The following LRP1B variants were observed in gnomAD, a reference collection of about 807,000 sequenced individuals.
LRP1B encodes low-density lipoprotein receptor-related protein 1B.
Under a neutral mutation model 556.6 loss-of-function variants are expected in LRP1B, and 217 were observed. The observed-to-expected ratio is 0.39, with a 90% confidence interval of 0.35 to 0.44. The LOEUF (loss-of-function observed/expected upper bound fraction) is 0.44, where lower values mean the gene tolerates loss of function less well. Ranked by LOEUF, LRP1B falls within the 20% of genes least tolerant of loss-of-function variation. The probability of loss-of-function intolerance (pLI) is 1.00; values close to 1 mark genes in which losing one functional copy is unlikely to be tolerated. For missense variants in LRP1B, 5,053 were observed against 5,620.8 expected (o/e 0.90, Z 3.23); for synonymous variants, 2,047 against 1,865.8 (o/e 1.10, Z -2.50).
At chr2:140,651,525 T>TTAAAAAAAAAAAAAAAAAAAAAA (rs1684685295) in intron 41 of LRP1B, among the ~76,000 whole-genome samples, 3 of 60,000 alleles carry the variant, frequency 5.0e-5, no homozygotes, top group Non-Finnish European at 7.7e-5. Flanking sequence ...CATACAAAAA[T>TTAAAAAAAAAAAAAAAAAAAAAA]TAAAAAAAAA....
chr2:140,249,446 C>T (rs796459663), intron 86 of LRP1B, among the ~76,000 whole-genome samples: 1 of 151,562 alleles, frequency 6.6e-6, no homozygotes, highest in Non-Finnish European at 1.5e-5. Context: ...AAAGAAGTCA[C>T]CTGCTAGTGG....
chr2:140,582,031 T>G (rs980959831), intron 43 of LRP1B, among the ~76,000 whole-genome samples: 34 of 152,190 alleles, frequency 2.2e-4, no homozygotes, highest in Non-Finnish European at 1.2e-4. Context: ...AAGATTCTCA[T>G]GCGAATTATC....
At chr2:140,723,238 T>C (rs917359342) in intron 35 of LRP1B, among the ~76,000 whole-genome samples, 4 of 152,112 alleles carry the variant, frequency 2.6e-5, no homozygotes, top group Non-Finnish European at 5.9e-5. Context: ...TTTAGTCCTT[T>C]GGTCTGAGAA....
chr2:141,176,192 G>T (rs186984387), intron 7 of LRP1B, among the ~76,000 whole-genome samples: 4 of 152,200 alleles, frequency 2.6e-5, no homozygotes, highest in South Asian at 4.1e-4. Flanking sequence ...AATGAGTTAA[G>T]ACTTTGGGAG....
At chr2:140,371,110 T>C in intron 70 of LRP1B, 69 bp downstream of exon 70, 1 of 1,052,080 alleles carries the variant, frequency 9.5e-7, no homozygotes, top group Non-Finnish European at 1.4e-6. Flanking sequence ...TCTCTTTATT[T>C]TCATTACATT....
chr2:141,759,864 G>A (rs536789581), intron 2 of LRP1B, among the ~76,000 whole-genome samples: 1 of 152,008 alleles, frequency 6.6e-6, no homozygotes, highest in Non-Finnish European at 1.5e-5. Context: ...GAATATTGGC[G>A]AGGCACCTGT....
intron 3 of LRP1B, among the ~76,000 whole-genome samples, chr2:141,430,377 A>C (rs1196279700): frequency 2.0e-5 from 3 of 152,214 alleles, no homozygotes; most frequent in Non-Finnish European, 4.4e-5. Flanking sequence ...AATAATTAAA[A>C]TAAAGCAACA....
chr2:140,948,380 A>G, intron 20 of LRP1B, among the ~76,000 whole-genome samples: 1 of 152,200 alleles, frequency 6.6e-6, no homozygotes, highest in East Asian at 1.9e-4. Flanking sequence ...GAAAAACTTT[A>G]CATATACTTT....
chr2:140,771,511 CTCAT>C (rs1689311559), intron 33 of LRP1B, among the ~76,000 whole-genome samples: 1 of 152,072 alleles, frequency 6.6e-6, no homozygotes, highest in Non-Finnish European at 1.5e-5. Flanking sequence ...AATAAATTTT[CTCAT>C]TCATAGAAAT....
intron 19 of LRP1B, among the ~76,000 whole-genome samples, chr2:140,951,589 C>G (rs1695715152): frequency 6.6e-6 from 1 of 152,180 alleles, no homozygotes; most frequent in Non-Finnish European, 1.5e-5. Context: ...CAATTGTCCA[C>G]TTTACTACAT....
Position 140,404,300 on chromosome 2 carries a change from G to A in LRP1B, c.10415-18291C>T, listed in dbSNP as rs112423510. ...CGCCATTCTCCTGCCTCAGCCTCCC[G>A]AGTAGCTGAGACTTCAGGTGCCCGC... On this transcript the variant is annotated intron_variant, in intron 66 of 90. Coordinates refer to ENST00000389484, the MANE Select transcript of LRP1B (RefSeq NM_018557.3). Among the ~76,000 whole-genome samples the A allele has an allele frequency of 2.4e-4, 36 of 147,376 alleles. 3 individuals are homozygous for A. The highest frequency in any genetic ancestry group is 6.7e-4 in the African/African-American group (27 of 40,042).
rs1260699325 is a variant in LRP1B at position 141,553,984 on chromosome 2, A to G, written c.206-73451T>C. Among the ~76,000 whole-genome samples the G allele has an allele frequency of 1.0e-4, 14 of 139,718 alleles. No individual in the cohort carries two copies. In the East Asian group the frequency reaches 3.0e-3, roughly 30 times the overall value. The allele number at this position is 139,718 out of a possible 152,430, so 91.7% of individuals were successfully genotyped here. ...AGATTATATATCTACATTAATAGACATAGATATAGATTATATATATCTATA... is the reference window on the plus strand; with the variant it reads ...AGATTATATATCTACATTAATAGACGTAGATATAGATTATATATATCTATA... On this transcript the variant is annotated intron_variant, in intron 2 of 90. Coordinates refer to ENST00000389484, the MANE Select transcript of LRP1B (RefSeq NM_018557.3).
At chr2:141,482,405 C>G (rs1305887801) in intron 2 of LRP1B, among the ~76,000 whole-genome samples, 1 of 152,016 alleles carries the variant, frequency 6.6e-6, no homozygotes, top group African/African-American at 2.4e-5. Flanking sequence ...TATTAAATGT[C>G]AAACACCTGT....
intron 32 of LRP1B, among the ~76,000 whole-genome samples, chr2:140,793,170 C>T (rs1368281894): frequency 6.6e-6 from 1 of 151,750 alleles, no homozygotes; most frequent in Non-Finnish European, 1.5e-5. Context: ...ATTGTAGAAT[C>T]ATAAGTCTAC....
intron 41 of LRP1B, among the ~76,000 whole-genome samples, chr2:140,688,567 G>A (rs1686129631): frequency 6.6e-6 from 1 of 152,200 alleles, no homozygotes; most frequent in Non-Finnish European, 1.5e-5. Context: ...ATGGATTGCA[G>A]AAGGTACACA....
intron 2 of LRP1B, among the ~76,000 whole-genome samples, chr2:141,789,504 T>C (rs1279797925): frequency 6.6e-6 from 1 of 152,078 alleles, no homozygotes; most frequent in East Asian, 1.9e-4. Context: ...AACCTTAAGT[T>C]TAGGTTTCAG....
chr2:141,537,290 T>C (rs1685098700), intron 2 of LRP1B, among the ~76,000 whole-genome samples: 1 of 152,120 alleles, frequency 6.6e-6, no homozygotes, highest in African/African-American at 2.4e-5. Context: ...TAAATCTCAA[T>C]GGTTTATATG....
chr2:141,562,291 A>G (rs1363339581), intron 2 of LRP1B, among the ~76,000 whole-genome samples: 5 of 151,898 alleles, frequency 3.3e-5, no homozygotes, highest in Non-Finnish European at 5.9e-5. Flanking sequence ...ACCTAAGATA[A>G]CATTTCAGTC....
chr2:140,799,566 G>T lies in LRP1B; in HGVS notation c.5359+14091C>A, dbSNP rs976177463. ...TCCTGCATAATATTTCACTGTTACAGATATTCTATGATTCATTTGGCTAGT... is the reference window on the plus strand; with the variant it reads ...TCCTGCATAATATTTCACTGTTACATATATTCTATGATTCATTTGGCTAGT... On this transcript the variant is annotated intron_variant, in intron 32 of 90. Transcript: ENST00000389484. Among the ~76,000 whole-genome samples the T allele has an allele frequency of 5.3e-5, 8 of 152,176 alleles. No homozygotes were observed. The East Asian group carries it at 1.5e-3, about 29-fold the overall frequency.
Sources: allele counts gnomAD v4.1 joint callset (sites outside exome capture counted in the v4.1 genomes callset), GRCh38; gene constraint gnomAD v4.1.1; transcripts MANE v1.5; gene names NCBI Gene and HGNC (gene_info 2026-07-23, HGNC 2026-07-21).